Variants in FREM2 observed in about 807,000 individuals in gnomAD.
The protein encoded by FREM2 is FRAS1-related extracellular matrix protein 2.
A neutral mutation model predicts 219.9 loss-of-function variants in FREM2; 119 were observed. The ratio of observed to expected loss-of-function variants is 0.54; its 90% CI spans 0.47 to 0.63. The LOEUF is 0.63. Among genes scored for constraint, FREM2 ranks in the 30% least tolerant of loss-of-function variants. The pLI is 0.00. For missense variants in FREM2, 4,030 were observed against 3,993.6 expected (o/e 1.01, Z -0.25); for synonymous variants, 1,562 against 1,522.8 (o/e 1.03, Z -0.60).
At chr13:38,729,472 A>AT (rs1297878301) in intron 2 of FREM2, among the ~76,000 whole-genome samples, 5 of 152,206 alleles carry the variant, frequency 3.3e-5, no homozygotes, top group African/African-American at 4.8e-5. Flanking sequence ...TAAGATTGTG[A>AT]TTTTTTTATT....
chr13:38,852,009 G>A (rs1947388920), intron 11 of FREM2, 141 bp downstream of exon 11: 2 of 745,406 alleles, frequency 2.7e-6, no homozygotes, highest in African/African-American at 1.8e-5. Flanking sequence ...ATTTTAAGGG[G>A]TACAAGTGCA....
chr13:38,792,847 G>A lies in FREM2; in HGVS notation c.6019+8039G>A, dbSNP rs144053777. On this transcript the variant is annotated intron_variant, in intron 6 of 23. Transcript: ENST00000280481. Reference sequence around the variant, plus strand: ...ACTATAGCAAGGTTTTTAAGGATAAGATAAAACAAAGTAGACAATAAATTT... The same window carrying A: ...ACTATAGCAAGGTTTTTAAGGATAAAATAAAACAAAGTAGACAATAAATTT... Among the ~76,000 whole-genome samples the A allele has an allele frequency of 1.5e-3, 221 of 152,200 alleles. 1 individual carries two copies. Among genetic ancestry groups the A allele is most frequent in the Middle Eastern group, 6.8e-3 (2 of 294 alleles).
intron 2 of FREM2, among the ~76,000 whole-genome samples, chr13:38,737,423 T>G (rs1253246338): frequency 6.6e-6 from 1 of 152,212 alleles, no homozygotes; most frequent in South Asian, 2.1e-4. Flanking sequence ...CTCTAAAATC[T>G]ATGGCAAAGC....
At position 38,688,560 on chromosome 13, in the gene FREM2, C is replaced by G. The variant is rs1332308902; in HGVS notation, c.1216C>G (p.Arg406Gly). ...QPPSEDSDQE[R>G]LFELELEVVD... ...CCCTTCTGAAGACTCTGACCAGGAG[C>G]GCCTCTTTGAACTGGAATTGGAGGT... Residue 406 changes from arginine (R) to glycine (G), a missense_variant, in exon 1 of 24, where the codon CGC becomes GGC. By Grantham distance (125) the Arg-to-Gly change is moderately radical. Coordinates refer to ENST00000280481, the MANE Select transcript of FREM2 (RefSeq NM_207361.6). The G allele has an allele frequency of 6.2e-6, 10 of 1,613,468 alleles. No homozygotes were observed. Among genetic ancestry groups the G allele is most frequent in the Non-Finnish European group, 7.6e-6 (9 of 1,179,608 alleles).
intron 6 of FREM2, 139 bp from the exon 7 acceptor site, chr13:38,846,434 T>C: frequency 1.3e-6 from 1 of 787,582 alleles, no homozygotes; most frequent in East Asian, 2.7e-5. Flanking sequence ...AAAGAGATGT[T>C]ATCTCACTAA....
chr13:38,765,335 A>C (rs1241088307), intron 3 of FREM2, among the ~76,000 whole-genome samples: 1 of 152,228 alleles, frequency 6.6e-6, no homozygotes, highest in Non-Finnish European at 1.5e-5. Flanking sequence ...ACCTGAAGCA[A>C]CTATATTGTT....
At chr13:38,709,485 CA>C (rs1435988934) in intron 2 of FREM2, among the ~76,000 whole-genome samples, 16 of 151,746 alleles carry the variant, frequency 1.1e-4, no homozygotes, top group African/African-American at 3.6e-4. Flanking sequence ...AATTGCTTAC[CA>C]AGTGATGTAT....
chr13:38,691,779 A>C lies in FREM2; in HGVS notation c.4435A>C (p.Ile1479Leu). The C allele has an allele frequency of 6.2e-7, 1 of 1,614,188 alleles. No homozygotes were observed. The highest frequency in any genetic ancestry group is 1.1e-5 in the South Asian group (1 of 91,086). The change falls in exon 1 of 24, where the codon ATC (isoleucine) becomes CTC (leucine). Residue 1479 changes from isoleucine to leucine, a missense_variant. Physicochemically the swap from Ile to Leu is conservative, Grantham distance 5. Transcript: ENST00000280481. Reference protein sequence around the residue: ...LECTDQPGVSITSFTQLQLAG... With the variant: ...LECTDQPGVSLTSFTQLQLAG... ...ATGCACGGATCAGCCTGGTGTGTCC[A>C]TCACGTCTTTCACTCAGCTGCAACT...
intron 11 of FREM2, among the ~76,000 whole-genome samples, chr13:38,852,473 C>T (rs941998088): frequency 7.2e-5 from 11 of 152,084 alleles, no homozygotes; most frequent in African/African-American, 2.7e-4. Context: ...ATAATAATTT[C>T]CTATATTTTT....
intron 4 of FREM2, among the ~76,000 whole-genome samples, chr13:38,778,464 C>G (rs1873966046): frequency 6.6e-6 from 1 of 152,132 alleles, no homozygotes; most frequent in African/African-American, 2.4e-5. Context: ...CCTGAGGGCC[C>G]CACCCTCATG....
At chr13:38,785,674 T>A (rs1874297670) in intron 6 of FREM2, among the ~76,000 whole-genome samples, 1 of 152,174 alleles carries the variant, frequency 6.6e-6, no homozygotes, top group South Asian at 2.1e-4. Flanking sequence ...TGGCAAAGCA[T>A]GTGAGAGGTG....
At chr13:38,820,233 A>G (rs904879852) in intron 6 of FREM2, among the ~76,000 whole-genome samples, 1 of 152,096 alleles carries the variant, frequency 6.6e-6, no homozygotes, top group African/African-American at 2.4e-5. Context: ...GCCTTTCTGA[A>G]AGATTGCATT....
chr13:38,775,975 GACCTCAT>G (rs1873854768), intron 4 of FREM2, among the ~76,000 whole-genome samples: 1 of 152,140 alleles, frequency 6.6e-6, no homozygotes, highest in South Asian at 2.1e-4. Flanking sequence ...ATAATTTTTG[GACCTCAT>G]GCTATCTTGA....
At chr13:38,764,199 G>T (rs916587276) in intron 2 of FREM2, 105 bp from the exon 3 acceptor site, 5 of 803,402 alleles carry the variant, frequency 6.2e-6, no homozygotes, top group South Asian at 5.7e-5. Flanking sequence ...AAACTAAGTA[G>T]CTGTATTGAT....
intron 2 of FREM2, among the ~76,000 whole-genome samples, chr13:38,763,481 C>CTTTTTTTTTTTTTTGG (rs1873315404): frequency 9.9e-6 from 1 of 101,418 alleles, no homozygotes; most frequent in Admixed American, 1.0e-4. Flanking sequence ...TTTTTTTACA[C>CTTTTTTTTTTTTTTGG]CCTCTTTCAG....
intron 2 of FREM2, among the ~76,000 whole-genome samples, chr13:38,699,971 C>G (rs1241051201): frequency 6.6e-6 from 1 of 151,984 alleles, no homozygotes; most frequent in South Asian, 2.1e-4. Flanking sequence ...GAGTATTTCA[C>G]CCCTGGGAAG....
Position 38,848,555 on chromosome 13 carries a change from A to G in FREM2, c.6264A>G (p.Gly2088=). 1 of 1,614,046 alleles carries G rather than the reference A, an allele frequency of 6.2e-7. No homozygotes were observed. The highest frequency in any genetic ancestry group is 8.5e-7 in the Non-Finnish European group (1 of 1,179,926). ...PVRVVILDDL[G]QPALEGIEKF... ...GTGTTGTCATTCTGGATGACCTTGGACAACCAGCGCTGGAGGGAATTGAGA... is the reference window on the plus strand; with the variant it reads ...GTGTTGTCATTCTGGATGACCTTGGGCAACCAGCGCTGGAGGGAATTGAGA... The change falls in exon 8 of 24, where the codon GGA becomes GGG. Residue 2088 remains glycine (G), a synonymous_variant. Coordinates refer to ENST00000280481, the MANE Select transcript of FREM2 (RefSeq NM_207361.6).
At chr13:38,825,838 T>C (rs960661607) in intron 6 of FREM2, among the ~76,000 whole-genome samples, 1 of 152,110 alleles carries the variant, frequency 6.6e-6, no homozygotes, top group African/African-American at 2.4e-5. Context: ...CTCCTTTCAC[T>C]CTAGAAAGTG....
chr13:38,870,187 A>AT (rs1878110826), intron 16 of FREM2, among the ~76,000 whole-genome samples: 1 of 152,044 alleles, frequency 6.6e-6, no homozygotes, highest in African/African-American at 2.4e-5. Flanking sequence ...ACTTGAGGTC[A>AT]TTTTTCCATC....
Sources: allele counts gnomAD v4.1 joint callset (sites outside exome capture counted in the v4.1 genomes callset), GRCh38; gene constraint gnomAD v4.1.1; transcripts MANE v1.5; gene names NCBI Gene and HGNC (gene_info 2026-07-23, HGNC 2026-07-21).